The following HYDIN variants were observed in gnomAD, a reference collection of about 807,000 sequenced individuals.
HYDIN encodes axonemal central pair apparatus protein HYDIN.
A neutral mutation model predicts 403.9 loss-of-function variants in HYDIN; 132 were observed. The observed-to-expected ratio is 0.33, with a 90% CI of 0.28 to 0.38. The LOEUF (loss-of-function observed/expected upper bound fraction) is 0.38, where lower values mean the gene tolerates loss of function less well. Ranked by LOEUF, HYDIN falls within the 10% of genes least tolerant of loss-of-function variation. HYDIN has a pLI of 1.00. For missense variants in HYDIN, 2,827 were observed against 5,009.5 expected (o/e 0.56, Z 13.15); for synonymous variants, 1,202 against 1,891.7 (o/e 0.64, Z 9.46).
intron 23 of HYDIN, among the ~76,000 whole-genome samples, chr16:71,005,017 G>GT (rs1597517005): frequency 6.6e-6 from 1 of 152,290 alleles, no homozygotes; most frequent in East Asian, 1.9e-4. Flanking sequence ...CTAAGCCTGT[G>GT]TTTTTGTTTA....
intron 41 of HYDIN, among the ~76,000 whole-genome samples, chr16:70,947,614 G>A (rs1273374454): frequency 6.6e-6 from 1 of 151,760 alleles, no homozygotes; most frequent in Non-Finnish European, 1.5e-5. Context: ...CAGAAGGAAT[G>A]GTACCAGTTC....
At chr16:71,042,739 C>G (rs932702848) in intron 18 of HYDIN, among the ~76,000 whole-genome samples, 6 of 152,170 alleles carry the variant, frequency 3.9e-5, no homozygotes, top group African/African-American at 1.4e-4. Flanking sequence ...AATTGCCTCT[C>G]AATACTTTCA....
rs199795960 is a variant in HYDIN at position 71,064,740 on chromosome 16, C to G, written c.2176G>C (p.Asp726His). Residue 726 changes from aspartate to histidine, a missense_variant, in exon 16 of 86, where the codon GAT becomes CAT. Asp to His is a moderately conservative substitution (Grantham distance 81). Transcript: ENST00000393567. ...YEKTLQLANQ[D>H]DLPGFYEVQP... ...ACCTCATAGAATCCTGGGAGGTCAT[C>G]TTGATTGGCAAGCTGGAGTGTTTTC... 13 of 1,614,078 alleles carry G rather than the reference C, an allele frequency of 8.1e-6. No homozygotes were observed. Among genetic ancestry groups the G allele is most frequent in the Middle Eastern group, 1.7e-4 (1 of 6,060 alleles).
At chr16:71,077,263 T>TCAAAGAC in intron 13 of HYDIN, among the ~76,000 whole-genome samples, 1 of 151,994 alleles carries the variant, frequency 6.6e-6, no homozygotes, top group African/African-American at 2.4e-5. Flanking sequence ...GGTCTTTGTT[T>TCAAAGAC]CAAAAATTTA....
intron 45 of HYDIN, among the ~76,000 whole-genome samples, chr16:70,922,000 A>G (rs2077009453): frequency 6.6e-6 from 1 of 152,102 alleles, no homozygotes; most frequent in Non-Finnish European, 1.5e-5. Flanking sequence ...TTCTTTGATG[A>G]TATTATGCAA....
At chr16:71,135,238 G>C (rs1211988053) in intron 8 of HYDIN, among the ~76,000 whole-genome samples, 3 of 152,148 alleles carry the variant, frequency 2.0e-5, no homozygotes, top group African/African-American at 7.2e-5. Flanking sequence ...AGAAAATGAT[G>C]CAAGAGAAAG....
chr16:70,852,971 C>T (rs780614197), intron 73 of HYDIN, among the ~76,000 whole-genome samples: 8 of 149,306 alleles, frequency 5.4e-5, no homozygotes, highest in Non-Finnish European at 1.0e-4. Context: ...GTCAGGAGCT[C>T]GAGACCAGCC....
chr16:70,931,208 C>CTT (rs2077313550), intron 45 of HYDIN, among the ~76,000 whole-genome samples: 360 of 77,730 alleles, frequency 4.6e-3, no homozygotes, highest in Non-Finnish European at 6.4e-3. Context: ...TCTCTTTCTT[C>CTT]TGTTTTTTTT....
chr16:70,928,798 G>C (rs912632768), intron 45 of HYDIN, among the ~76,000 whole-genome samples: 23 of 108,818 alleles, frequency 2.1e-4, no homozygotes, highest in African/African-American at 7.0e-4. Flanking sequence ...GCTGGCAAGG[G>C]CTTATTTGAG....
chr16:70,839,939 T>C, intron 76 of HYDIN, 125 bp downstream of exon 76: 3 of 614,922 alleles, frequency 4.9e-6, no homozygotes. Context: ...CATACCCACT[T>C]TTGTTTGACT....
At chr16:71,007,243 C>G (rs74908901) in intron 23 of HYDIN, among the ~76,000 whole-genome samples, 1 of 151,992 alleles carries the variant, frequency 6.6e-6, no homozygotes, top group African/African-American at 2.4e-5. Flanking sequence ...CACACAGTCA[C>G]TGCTTATCCA....
At chr16:71,172,957 G>A (rs1050902127) in intron 5 of HYDIN, among the ~76,000 whole-genome samples, 15 of 152,298 alleles carry the variant, frequency 9.8e-5, no homozygotes, top group African/African-American at 3.6e-4. Context: ...GGAGCAGCCC[G>A]AAAGACAGCA....
intron 1 of HYDIN, among the ~76,000 whole-genome samples, chr16:71,190,423 C>T (rs1007616929): frequency 2.0e-5 from 3 of 151,546 alleles, no homozygotes; most frequent in African/African-American, 7.3e-5. Context: ...TAATTGGTCA[C>T]CTTTGGAAGT....
At chr16:70,905,614 C>T (rs1250619380) in intron 50 of HYDIN, among the ~76,000 whole-genome samples, 7 of 108,354 alleles carry the variant, frequency 6.5e-5, no homozygotes, top group East Asian at 5.0e-4. Context: ...GCCTGGGTGA[C>T]GGAGTAAGAC....
chr16:70,901,458 T>G (rs892522240), intron 52 of HYDIN, among the ~76,000 whole-genome samples: 5 of 151,358 alleles, frequency 3.3e-5, no homozygotes, highest in Non-Finnish European at 7.4e-5. Context: ...TTGCTCCCCA[T>G]TTTGTGCCCA....
Position 70,805,824 on chromosome 16 carries a change from G to A in HYDIN, c.*1756C>T, listed in dbSNP as rs116338922. Among the ~76,000 whole-genome samples, 854 of 152,290 alleles carry A rather than the reference G, an allele frequency of 5.6e-3. 6 individuals are homozygous for A. The highest frequency in any genetic ancestry group is 0.019 in the African/African-American group (804 of 41,566). On this transcript the variant is annotated 3_prime_UTR_variant, in exon 86 of 86. Transcript: ENST00000393567. ...GCAGTCCTCCTCATCTATGGCTTCAGTTACCTGTGGTCAACTGTGGAATGA... is the reference window on the plus strand; with the variant it reads ...GCAGTCCTCCTCATCTATGGCTTCAATTACCTGTGGTCAACTGTGGAATGA...
At chr16:71,201,498 C>G (rs1172725766) in intron 1 of HYDIN, among the ~76,000 whole-genome samples, 1 of 152,152 alleles carries the variant, frequency 6.6e-6, no homozygotes. Context: ...TGGCCTATCC[C>G]AGTATTGCAC....
At chr16:70,949,811 C>G in intron 41 of HYDIN, among the ~76,000 whole-genome samples, 1 of 152,276 alleles carries the variant, frequency 6.6e-6, no homozygotes, top group Admixed American at 6.5e-5. Context: ...GGTTACCTTA[C>G]TGAAAGGAGT....
rs760019380 is a variant in HYDIN at position 70,855,169 on chromosome 16, C to T, written c.12402G>A (p.Leu4134=). The T allele has an allele frequency of 9.5e-6, 13 of 1,362,842 alleles. No homozygotes were observed. The highest frequency in any genetic ancestry group is 3.6e-5 in the African/African-American group (2 of 54,940). 84.4% of individuals were successfully genotyped at this position (1,362,842 alleles called of 1,614,324 possible). Residue 4134 remains leucine, a synonymous_variant, in exon 73 of 86, where the codon CTG becomes CTA. Coordinates refer to ENST00000393567, the MANE Select transcript of HYDIN (RefSeq NM_001270974.2). ...SRYSEGFSNS[L]LVCPMEGWIP... The stretch of plus-strand genomic sequence containing the variant: ...TCCAGCCTTCCATGGGACATACAAG[C>T]AGGCTGTTGCTGAAACCTTCAGAAT...
Sources: gnomAD v4.1 joint callset for allele counts (sites outside exome capture counted in the v4.1 genomes callset) on GRCh38, gnomAD v4.1.1 for gene constraint, MANE v1.5 for transcripts, NCBI Gene and HGNC (gene_info 2026-07-23, HGNC 2026-07-21) for gene names.